TAFA1: variants seen among roughly 807,000 people sequenced by gnomAD.
TAFA1 encodes the protein chemokine-like protein TAFA-1.
Under a neutral mutation model 18.5 loss-of-function variants are expected in TAFA1, and 4 were observed. The observed-to-expected ratio is 0.22, with a 90% CI of 0.11 to 0.49. The LOEUF is 0.49. Among genes scored for constraint, TAFA1 ranks in the 20% least tolerant of loss-of-function variants. TAFA1 has a pLI of 0.98. For synonymous variants in TAFA1, 56 were observed against 55.2 expected, an observed-to-expected ratio of 1.01 and a Z score of -0.06; for missense variants, 147 against 169.0, an observed-to-expected ratio of 0.87 and a Z score of 0.72.
chr3:68,297,651 G>A (rs1223971276), intron 2 of TAFA1, among the ~76,000 whole-genome samples: 1 of 151,892 alleles, frequency 6.6e-6, no homozygotes, highest in Non-Finnish European at 1.5e-5. Flanking sequence ...TAATATTATT[G>A]GTCATTTTTG....
intron 2 of TAFA1, among the ~76,000 whole-genome samples, chr3:68,096,477 G>A (rs2065088073): frequency 6.6e-6 from 1 of 152,094 alleles, no homozygotes; most frequent in Admixed American, 6.6e-5. Flanking sequence ...AGATAGTAGA[G>A]CTGACTTCAG....
intron 2 of TAFA1, among the ~76,000 whole-genome samples, chr3:68,029,266 C>T (rs1704882063): frequency 6.6e-6 from 1 of 152,178 alleles, no homozygotes; most frequent in South Asian, 2.1e-4. Flanking sequence ...ATTATGTCTA[C>T]ATGTAATCAG....
chr3:68,394,918 G>A (rs1200396652), intron 2 of TAFA1, among the ~76,000 whole-genome samples: 3 of 152,092 alleles, frequency 2.0e-5, no homozygotes, highest in Admixed American at 1.3e-4. Context: ...AACACCAAAA[G>A]CAATTGCAAC....
At chr3:68,338,103 G>A (rs186850971) in intron 2 of TAFA1, among the ~76,000 whole-genome samples, 1 of 152,322 alleles carries the variant, frequency 6.6e-6, no homozygotes, top group Non-Finnish European at 1.5e-5. Flanking sequence ...TCTCCCTGAT[G>A]AGCTCTGGAC....
chr3:68,155,204 C>T (rs562817728), intron 2 of TAFA1, among the ~76,000 whole-genome samples: 79 of 152,282 alleles, frequency 5.2e-4, no homozygotes, highest in Middle Eastern at 3.4e-3. Flanking sequence ...GTACAGCAGA[C>T]TCCAAATCCT....
intron 2 of TAFA1, among the ~76,000 whole-genome samples, chr3:68,371,403 T>C (rs1015813398): frequency 6.6e-6 from 1 of 151,858 alleles, no homozygotes; most frequent in African/African-American, 2.4e-5. Flanking sequence ...CGGGCCCCAG[T>C]GTGTGATGTT....
At chr3:68,504,207 G>A (rs562153684) in intron 3 of TAFA1, among the ~76,000 whole-genome samples, 1 of 152,216 alleles carries the variant, frequency 6.6e-6, no homozygotes, top group African/African-American at 2.4e-5. Context: ...ATTCCATAAG[G>A]ATCTTTCTTT....
chr3:68,102,399 C>G (rs2065158214), intron 2 of TAFA1, among the ~76,000 whole-genome samples: 1 of 152,156 alleles, frequency 6.6e-6, no homozygotes, highest in African/African-American at 2.4e-5. Context: ...CATCCTGTAG[C>G]TCTTTGTCCA....
At chr3:67,999,713 C>T (rs905865047), upstream of TAFA1, among the ~76,000 whole-genome samples, 3 of 151,774 alleles carry the variant, frequency 2.0e-5, no homozygotes, top group Non-Finnish European at 2.9e-5. Flanking sequence ...ATTGTTTAAA[C>T]GGTGTACAGG....
intron 2 of TAFA1, among the ~76,000 whole-genome samples, chr3:68,229,036 C>G (rs1259096988): frequency 1.3e-5 from 2 of 152,190 alleles, no homozygotes; most frequent in Non-Finnish European, 2.9e-5. Flanking sequence ...ACCATCTGCC[C>G]CCTCCAAATA....
intron 2 of TAFA1, among the ~76,000 whole-genome samples, chr3:68,024,722 C>T (rs1175111985): frequency 6.6e-6 from 1 of 151,836 alleles, no homozygotes; most frequent in Non-Finnish European, 1.5e-5. Context: ...TAATCTCTCA[C>T]CTCCCATCCC....
At chr3:68,254,079 G>C (rs909399968) in intron 2 of TAFA1, among the ~76,000 whole-genome samples, 5 of 151,080 alleles carry the variant, frequency 3.3e-5, no homozygotes, top group Admixed American at 6.6e-5. Context: ...CTGTCTGTCT[G>C]TCTGCCTGTC....
intron 2 of TAFA1, among the ~76,000 whole-genome samples, chr3:68,341,821 T>C (rs1490958379): frequency 6.6e-6 from 1 of 152,164 alleles, no homozygotes; most frequent in Middle Eastern, 3.2e-3. Context: ...AGGTTAGAGA[T>C]AGAGGACCAC....
chr3:68,342,728 A>G lies in TAFA1; in HGVS notation c.119-74552A>G, dbSNP rs538124890. Among the ~76,000 whole-genome samples, 9 of 152,258 alleles carry G rather than the reference A, an allele frequency of 5.9e-5. No homozygotes were observed. The East Asian group carries it at 1.7e-3, about 29-fold the overall frequency. On this transcript the variant is annotated intron_variant, in intron 2 of 4. Coordinates refer to ENST00000478136, the MANE Select transcript of TAFA1 (RefSeq NM_213609.4). ...CTTTATATGATCAGATATTATTTCC[A>G]TTATTGGTATTATGCTGTAGGCAAA...
rs750799939 is a variant in TAFA1, at chr3:68,006,763, C to G, written c.118+19C>G. Reference sequence around the variant, plus strand: ...AGACCAGGTAAGTCAGGAGCTGGCTCCACTGCAGCCTCCTCCAGTCTTACC... The same window carrying G: ...AGACCAGGTAAGTCAGGAGCTGGCTGCACTGCAGCCTCCTCCAGTCTTACC... On this transcript the variant is annotated intron_variant, in intron 2 of 4. Transcript: ENST00000478136. The G allele has an allele frequency of 6.7e-7, 1 of 1,489,800 alleles. No homozygotes were observed. Among genetic ancestry groups the G allele is most frequent in the South Asian group, 1.1e-5 (1 of 88,594 alleles). The allele number at this position is 1,489,800 out of a possible 1,614,324, so 92.3% of individuals were successfully genotyped here.
intron 2 of TAFA1, among the ~76,000 whole-genome samples, chr3:68,170,665 G>A (rs1041241850): frequency 1.6e-4 from 24 of 152,156 alleles, no homozygotes; most frequent in African/African-American, 5.1e-4. Flanking sequence ...GCAAAGAGTA[G>A]GAAGTGAAGG....
At chr3:68,074,135 C>G (rs2064794516) in intron 2 of TAFA1, among the ~76,000 whole-genome samples, 1 of 152,186 alleles carries the variant, frequency 6.6e-6, no homozygotes, top group Non-Finnish European at 1.5e-5. Context: ...ATTGCACAAT[C>G]TAGATCTCAC....
At chr3:68,305,425 A>G (rs1298200548) in intron 2 of TAFA1, among the ~76,000 whole-genome samples, 4 of 92,546 alleles carry the variant, frequency 4.3e-5, no homozygotes, top group African/African-American at 1.6e-4. Flanking sequence ...ATATATATAT[A>G]TATATATATA....
chr3:68,533,607 T>G (rs1007375532), intron 3 of TAFA1, among the ~76,000 whole-genome samples: 8 of 152,136 alleles, frequency 5.3e-5, no homozygotes, highest in African/African-American at 1.9e-4. Flanking sequence ...AAACTGCATT[T>G]TACATGAGAT....
Sources: allele counts gnomAD v4.1 joint callset (sites outside exome capture counted in the v4.1 genomes callset), GRCh38; gene constraint gnomAD v4.1.1; transcripts MANE v1.5; gene names NCBI Gene and HGNC (gene_info 2026-07-23, HGNC 2026-07-21).